NALCN: variants seen among roughly 807,000 people sequenced by gnomAD.
NALCN encodes the protein sodium leak channel, non-selective.
NALCN carries 111 observed loss-of-function variants against 225.3 expected under a neutral mutation model. The observed-to-expected ratio is 0.49, with a 90% CI of 0.42 to 0.58. The LOEUF is 0.58. NALCN is among the 20% of genes least tolerant of loss of function. The pLI is 0.00. For synonymous variants in NALCN, 764 were observed against 769.0 expected, an observed-to-expected ratio of 0.99 and a Z score of 0.11; for missense variants, 1,378 against 2,202.4, an observed-to-expected ratio of 0.63 and a Z score of 7.49.
intron 7 of NALCN, among the ~76,000 whole-genome samples, chr13:101,303,529 G>T (rs2044046287): frequency 6.6e-6 from 1 of 151,954 alleles, no homozygotes; most frequent in South Asian, 2.1e-4. Context: ...TTTCTTTTCT[G>T]CTTGATTTTA....
chr13:101,344,849 C>T (rs1278990703), intron 7 of NALCN, among the ~76,000 whole-genome samples: 1 of 152,134 alleles, frequency 6.6e-6, no homozygotes, highest in Non-Finnish European at 1.5e-5. Flanking sequence ...CTCTAATGCA[C>T]TCATCAATAC....
intron 33 of NALCN, among the ~76,000 whole-genome samples, chr13:101,081,851 C>T (rs1466276641): frequency 6.6e-6 from 1 of 152,090 alleles, no homozygotes; most frequent in African/African-American, 2.4e-5. Flanking sequence ...CACGTGCCTA[C>T]ACTATCTATC....
chr13:101,416,783 T>G (rs1467426215), upstream of NALCN, among the ~76,000 whole-genome samples: 1 of 150,136 alleles, frequency 6.7e-6, no homozygotes, highest in Non-Finnish European at 1.5e-5. Flanking sequence ...GGGTCTTTCG[T>G]ACTCAACAGC....
At chr13:101,317,383 G>C (rs1370432773) in intron 7 of NALCN, among the ~76,000 whole-genome samples, 3 of 152,162 alleles carry the variant, frequency 2.0e-5, no homozygotes, top group African/African-American at 4.8e-5. Context: ...ATTTTGATCT[G>C]ATTCACCCTC....
At chr13:101,294,278 T>C (rs1251643961) in intron 7 of NALCN, among the ~76,000 whole-genome samples, 2 of 152,188 alleles carry the variant, frequency 1.3e-5, no homozygotes, top group Non-Finnish European at 2.9e-5. Flanking sequence ...AGGGTGATTA[T>C]AGTTAACAAC....
rs374554427 is a variant in NALCN, at chr13:101,202,022, T to G, written c.1627-9968A>C. Among the ~76,000 whole-genome samples, 54 of 152,308 alleles carry G rather than the reference T, an allele frequency of 3.5e-4. 1 individual carries two copies. In the Middle Eastern group the frequency reaches 0.01, roughly 29 times the overall value. Reference sequence around the variant, plus strand: ...TTCTGTTTTTAATTGCCTTAATGATTCATTTACTCAGTCTCCTTGTTTCGA... The same window carrying G: ...TTCTGTTTTTAATTGCCTTAATGATGCATTTACTCAGTCTCCTTGTTTCGA... On this transcript the variant is annotated intron_variant, in intron 13 of 43. Transcript: ENST00000251127.
chr13:101,234,814 C>A (rs2041486373), intron 12 of NALCN, among the ~76,000 whole-genome samples: 1 of 150,678 alleles, frequency 6.6e-6, no homozygotes, highest in South Asian at 2.1e-4. Flanking sequence ...ATTTGACTAT[C>A]TATCTACTAT....
At chr13:101,306,852 C>T (rs931795497) in intron 7 of NALCN, among the ~76,000 whole-genome samples, 1 of 152,098 alleles carries the variant, frequency 6.6e-6, no homozygotes, top group Admixed American at 6.6e-5. Context: ...ATCCCCTGTC[C>T]CTATCAGGCT....
rs542232140 is a variant in NALCN, at chr13:101,337,700, C to T, written c.799+7566G>A. 5.3e-5 allele frequency among the ~76,000 whole-genome samples: 8 copies of T among 152,284 alleles called. No homozygotes were observed. In the South Asian group the frequency reaches 1.4e-3, roughly 28 times the overall value. ...GGATATGCCACTATGGCAGGTCACTCTTTTGGAAGATGTGTTTCTTCCATC... is the reference window on the plus strand; with the variant it reads ...GGATATGCCACTATGGCAGGTCACTTTTTTGGAAGATGTGTTTCTTCCATC... On this transcript the variant is annotated intron_variant, in intron 7 of 43. Transcript: ENST00000251127.
chr13:101,339,079 T>C (rs554805583), intron 7 of NALCN, among the ~76,000 whole-genome samples: 1 of 152,354 alleles, frequency 6.6e-6, no homozygotes, highest in South Asian at 2.1e-4. Context: ...ATGTCTCATA[T>C]GTTTATGAGC....
At chr13:101,181,404 G>T in intron 14 of NALCN, 1 of 499,514 alleles carries the variant, frequency 2.0e-6, no homozygotes, top group Non-Finnish European at 4.0e-6. Flanking sequence ...AAAGTTCTGG[G>T]GCTTTTTGTG....
chr13:101,354,081 C>T (rs1258088480), intron 6 of NALCN, among the ~76,000 whole-genome samples: 17 of 152,112 alleles, frequency 1.1e-4, no homozygotes, highest in East Asian at 1.9e-4. Context: ...CAGTGGCTCA[C>T]GCCTGCAATC....
intron 17 of NALCN, 64 bp from the exon 18 acceptor site, chr13:101,124,745 A>G (rs1216340422): frequency 2.4e-6 from 3 of 1,247,296 alleles, no homozygotes; most frequent in Non-Finnish European, 3.5e-6. Flanking sequence ...CTGTCAAATC[A>G]TTCAATAGAT....
chr13:101,354,405 C>G (rs373095751), intron 6 of NALCN, among the ~76,000 whole-genome samples: 1 of 152,130 alleles, frequency 6.6e-6, no homozygotes, highest in South Asian at 2.1e-4. Flanking sequence ...CAGCTCCAAA[C>G]TGAAATGTGA....
chr13:101,065,992 C>T lies in NALCN; in HGVS notation c.4447-431G>A, dbSNP rs572452949. Reference sequence around the variant, plus strand: ...CGTGTAATCCTCCTCTTCACTCAATCGGGATGCTAGGAACGTCTCAATGTT... The same window carrying T: ...CGTGTAATCCTCCTCTTCACTCAATTGGGATGCTAGGAACGTCTCAATGTT... On this transcript the variant is annotated intron_variant, in intron 39 of 43. Transcript: ENST00000251127. Among the ~76,000 whole-genome samples the T allele has an allele frequency of 1.2e-4, 18 of 152,242 alleles. 1 individual carries two copies. The East Asian group carries it at 1.9e-3, about 16-fold the overall frequency.
At chr13:101,216,915 C>T (rs2040757282) in intron 13 of NALCN, among the ~76,000 whole-genome samples, 1 of 151,974 alleles carries the variant, frequency 6.6e-6, no homozygotes, top group African/African-American at 2.4e-5. Context: ...ATTAAGAAAA[C>T]CTATATCAAA....
intron 6 of NALCN, among the ~76,000 whole-genome samples, chr13:101,357,346 C>A (rs148838610): frequency 0.011 from 1,676 of 152,202 alleles, 32 homozygotes; most frequent in African/African-American, 0.038. Flanking sequence ...TCTCAGGATA[C>A]AAAATGGATG....
intron 15 of NALCN, among the ~76,000 whole-genome samples, chr13:101,153,184 T>C (rs982282772): frequency 5.3e-5 from 8 of 152,210 alleles, no homozygotes; most frequent in African/African-American, 1.7e-4. Context: ...TTCAGTGTTC[T>C]CAAATAAAAA....
In NALCN at chr13:101,062,020, G is replaced by C; in HGVS notation, c.4703C>G (p.Ala1568Gly). Residue 1568 changes from alanine to glycine, a missense_variant, in exon 41 of 44, where the codon GCC (alanine) becomes GGC (glycine). Ala to Gly is a moderately conservative substitution (Grantham distance 60, BLOSUM62 0). This residue lies in a region of NALCN where 94 missense variants were observed against 170.3 expected (regional missense o/e 0.55). Coordinates refer to ENST00000251127, the MANE Select transcript of NALCN (RefSeq NM_052867.4). ...GAGCCACATGCGGATGGTCTGCTTG[G>C]CCACCTCCTCCTCTATGGTGTACTC... ...QLEYTIEEEV[A>G]KQTIRMWLKK... The C allele has an allele frequency of 6.2e-7, 1 of 1,614,068 alleles. No individual in the cohort carries two copies. The highest frequency in any genetic ancestry group is 8.5e-7 in the Non-Finnish European group (1 of 1,179,982).
Sources: gnomAD v4.1 joint callset for allele counts (sites outside exome capture counted in the v4.1 genomes callset) on GRCh38, gnomAD v4.1.1 for gene constraint, gnomAD v4.1.1 regional missense constraint, MANE v1.5 for transcripts, NCBI Gene and HGNC (gene_info 2026-07-23, HGNC 2026-07-21) for gene names.